Variants in CSMD1 observed in about 807,000 individuals in gnomAD.
CSMD1 encodes the protein CUB and sushi domain-containing protein 1.
Under a neutral mutation model 417.5 loss-of-function variants are expected in CSMD1, and 213 were observed. The ratio of observed to expected loss-of-function variants is 0.51; its 90% CI spans 0.46 to 0.57. The LOEUF (loss-of-function observed/expected upper bound fraction) is 0.57. Among genes scored for constraint, CSMD1 ranks in the 20% least tolerant of loss-of-function variants. CSMD1 has a pLI of 0.00. For synonymous variants in CSMD1, 2,862 were observed against 1,736.8 expected (o/e 1.65, Z -16.11); for missense variants, 6,923 against 4,529.7 (o/e 1.53, Z -15.17).
At chr8:4,600,521 T>A (rs572432960) in intron 2 of CSMD1, among the ~76,000 whole-genome samples, 1 of 152,204 alleles carries the variant, frequency 6.6e-6, no homozygotes, top group Non-Finnish European at 1.5e-5. Flanking sequence ...TGTTTTTGTA[T>A]GAAAATTATA....
intron 8 of CSMD1, among the ~76,000 whole-genome samples, chr8:3,605,634 T>G (rs1368056328): frequency 3.3e-5 from 5 of 152,130 alleles, no homozygotes; most frequent in African/African-American, 1.2e-4. Flanking sequence ...ACATAATTCA[T>G]AAAGCATATT....
At chr8:4,726,362 C>T (rs764323377) in intron 1 of CSMD1, among the ~76,000 whole-genome samples, 1 of 151,322 alleles carries the variant, frequency 6.6e-6, no homozygotes, top group Non-Finnish European at 1.5e-5. Context: ...GTTATTATCA[C>T]CAAAAGCTTT....
At chr8:4,964,467 C>T (rs149712525) in intron 1 of CSMD1, among the ~76,000 whole-genome samples, 4 of 116,088 alleles carry the variant, frequency 3.4e-5, no homozygotes, top group East Asian at 5.7e-4. Context: ...TGCAGTGAAA[C>T]GTGATCCCAT....
chr8:3,387,438 G>T, intron 18 of CSMD1, 56 bp downstream of exon 18: 1 of 1,434,954 alleles, frequency 7.0e-7, no homozygotes, highest in Non-Finnish European at 9.5e-7. Flanking sequence ...CTAGTTAGAC[G>T]TGTGCGCTGT....
chr8:3,547,399 G>A (rs540549758), intron 10 of CSMD1, among the ~76,000 whole-genome samples: 1 of 152,162 alleles, frequency 6.6e-6, no homozygotes, highest in African/African-American at 2.4e-5. Flanking sequence ...AGGTAAAACT[G>A]ATTCAGTTTT....
chr8:4,573,972 T>A (rs897113235), intron 2 of CSMD1, among the ~76,000 whole-genome samples: 1 of 152,144 alleles, frequency 6.6e-6, no homozygotes, highest in Admixed American at 6.5e-5. Flanking sequence ...CATCCCTCTC[T>A]CCACCAAGCT....
chr8:2,999,183 C>G (rs1336682593), intron 53 of CSMD1, among the ~76,000 whole-genome samples: 1 of 110,504 alleles, frequency 9.0e-6, no homozygotes, highest in Non-Finnish European at 1.7e-5. Flanking sequence ...GAGATAGAGT[C>G]TTGGTCTGTC....
intron 2 of CSMD1, among the ~76,000 whole-genome samples, chr8:4,478,928 C>G (rs756757811): frequency 1.3e-5 from 2 of 152,172 alleles, no homozygotes; most frequent in Non-Finnish European, 2.9e-5. Context: ...TTGTACTTGA[C>G]TGACCTTAAT....
At chr8:4,917,062 G>A (rs1476276157) in intron 1 of CSMD1, among the ~76,000 whole-genome samples, 1 of 152,134 alleles carries the variant, frequency 6.6e-6, no homozygotes, top group Non-Finnish European at 1.5e-5. Context: ...AATTGGCTCA[G>A]GTTCGGTAGA....
chr8:4,017,830 G>C (rs970929923), intron 4 of CSMD1, among the ~76,000 whole-genome samples: 1 of 152,140 alleles, frequency 6.6e-6, no homozygotes, highest in South Asian at 2.1e-4. Context: ...GATCTCAGCT[G>C]TTTGGGTGAC....
chr8:3,205,520 C>T lies in CSMD1; in HGVS notation c.4968G>A (p.Thr1656=), dbSNP rs371736115. Residue 1656 remains threonine (T), a synonymous_variant, in exon 31 of 70, where the codon ACG becomes ACA. Coordinates refer to ENST00000635120, the MANE Select transcript of CSMD1 (RefSeq NM_033225.6). ...TAGQICLYSI[T]VPKEFVVFGQ... is the part of the protein sequence containing the mutation. ...CATCCTTACCGAATTCCTTTGGTAC[C>T]GTGATGGAATAGAGGCATATTTGAC... is the stretch of plus-strand genomic sequence containing the variant. 7.1e-6 allele frequency: 11 copies of T among 1,556,836 alleles called. No individual in the cohort carries two copies. The highest frequency in any genetic ancestry group is 3.5e-5 in the Admixed American group (2 of 56,464).
chr8:3,801,335 A>G (rs555620710), intron 5 of CSMD1, among the ~76,000 whole-genome samples: 14 of 152,292 alleles, frequency 9.2e-5, no homozygotes, highest in Admixed American at 9.2e-4. Flanking sequence ...AAGACATACA[A>G]ATGGCCAATA....
rs1403302769 is a variant in CSMD1, at chr8:4,920,972, AAGAAAGAAAC to A, written c.85+73350_85+73359del. On this transcript the variant is annotated intron_variant, in intron 1 of 69. Coordinates refer to ENST00000635120, the MANE Select transcript of CSMD1 (RefSeq NM_033225.6). ...AAAGAAAGAAAGAAAGAAAGAAAGAAAGAAAGAAACAAAGAAAGAAAGAAAAGAAAGAAAG... is the reference window on the plus strand; with the variant it reads ...AAAGAAAGAAAGAAAGAAAGAAAGAAAAAGAAAGAAAGAAAAGAAAGAAAG... 3.2e-3 allele frequency among the ~76,000 whole-genome samples: 13 copies of A among 4,012 alleles called. 1 individual carries two copies. The East Asian group carries it at 0.071, about 22-fold the overall frequency. The allele number at this position is 4,012 out of a possible 152,430, so 2.6% of individuals were successfully genotyped here. A position where few individuals can be genotyped will look rare whatever the true frequency, so the allele number is the denominator to read the frequency against.
At chr8:3,521,394 A>G (rs1797502430) in intron 10 of CSMD1, among the ~76,000 whole-genome samples, 1 of 152,162 alleles carries the variant, frequency 6.6e-6, no homozygotes, top group Non-Finnish European at 1.5e-5. Context: ...CCCAGCAACA[A>G]TTCAGTGCCA....
chr8:4,512,175 G>GA (rs994495531), intron 2 of CSMD1, among the ~76,000 whole-genome samples: 2 of 152,200 alleles, frequency 1.3e-5, no homozygotes, highest in African/African-American at 4.8e-5. Context: ...ACAGGTTAAA[G>GA]AAAAAATCAC....
chr8:4,253,233 G>C (rs1040175488), intron 3 of CSMD1, among the ~76,000 whole-genome samples: 10 of 152,114 alleles, frequency 6.6e-5, no homozygotes, highest in African/African-American at 1.7e-4. Flanking sequence ...TCATGGCCCA[G>C]ATAAAATGAC....
At chr8:4,527,079 AT>A (rs1281605789) in intron 2 of CSMD1, among the ~76,000 whole-genome samples, 1 of 152,078 alleles carries the variant, frequency 6.6e-6, no homozygotes, top group African/African-American at 2.4e-5. Context: ...CCAAGACATA[AT>A]TTTTTTCAGA....
chr8:4,617,662 T>C (rs1333281924), intron 2 of CSMD1, among the ~76,000 whole-genome samples: 1 of 152,194 alleles, frequency 6.6e-6, no homozygotes, highest in Non-Finnish European at 1.5e-5. Context: ...TGAAGTCTCA[T>C]TGTTTAGGTT....
intron 1 of CSMD1, among the ~76,000 whole-genome samples, chr8:4,943,393 G>C (rs891983505): frequency 5.9e-5 from 9 of 152,016 alleles, no homozygotes. Context: ...TTACTCGGGA[G>C]GCTGAGGCAG....
Sources: allele counts gnomAD v4.1 joint callset (sites outside exome capture counted in the v4.1 genomes callset), GRCh38; gene constraint gnomAD v4.1.1; transcripts MANE v1.5; gene names NCBI Gene and HGNC (gene_info 2026-07-23, HGNC 2026-07-21).